Variants in GLT8D2 observed in about 807,000 individuals in gnomAD.
The protein encoded by GLT8D2 is glycosyltransferase 8 domain containing 2, also known as glycosyltransferase 8 domain-containing protein 2.
GLT8D2 carries 45 observed loss-of-function variants against 44.5 expected under a neutral mutation model. The ratio of observed to expected loss-of-function variants is 1.01; its 90% CI spans 0.80 to 1.30. The LOEUF (loss-of-function observed/expected upper bound fraction) is 1.30, where lower values mean the gene tolerates loss of function less well. Ranked by LOEUF, GLT8D2 falls within the 50% of genes most tolerant of loss-of-function variation. The probability of loss-of-function intolerance (pLI) is 0.00; values close to 1 mark genes in which losing one functional copy is unlikely to be tolerated. For synonymous variants in GLT8D2, 156 were observed against 157.2 expected, an observed-to-expected ratio of 0.99 and a Z score of 0.06; for missense variants, 400 against 430.4, an observed-to-expected ratio of 0.93 and a Z score of 0.62.
intron 1 of GLT8D2, among the ~76,000 whole-genome samples, chr12:104,027,586 G>C (rs1566205368): frequency 6.6e-6 from 1 of 152,212 alleles, no homozygotes; most frequent in Non-Finnish European, 1.5e-5. Flanking sequence ...GTGTGAATAT[G>C]GGGAGCAGTT....
chr12:104,042,727 C>T (rs924428654), intron 1 of GLT8D2, among the ~76,000 whole-genome samples: 1 of 152,064 alleles, frequency 6.6e-6, no homozygotes, highest in Non-Finnish European at 1.5e-5. Flanking sequence ...TTGTCTTGGG[C>T]CACACATAAA....
chr12:104,003,368 T>C (rs1272163228), intron 4 of GLT8D2, 62 bp from the exon 5 acceptor site: 3 of 1,415,864 alleles, frequency 2.1e-6, no homozygotes, highest in South Asian at 1.2e-5. Flanking sequence ...GCCAGTTTAA[T>C]GCATCTTCCA....
intron 1 of GLT8D2, among the ~76,000 whole-genome samples, chr12:104,062,639 A>C (rs1407574955): frequency 6.6e-6 from 1 of 152,058 alleles, no homozygotes; most frequent in Non-Finnish European, 1.5e-5. Flanking sequence ...TCTCTTATTT[A>C]TCTCTCTTTA....
At position 103,993,442 on chromosome 12, in the gene GLT8D2, A is replaced by C. The variant is rs1593526513; in HGVS notation, c.830T>G (p.Phe277Cys). The C allele has an allele frequency of 6.2e-7, 1 of 1,613,960 alleles. No homozygotes were observed. The highest frequency in any genetic ancestry group is 1.3e-5 in the African/African-American group (1 of 74,926). Residue 277 changes from phenylalanine to cysteine, a missense_variant, in exon 10 of 11, where the codon TTT becomes TGT. By Grantham distance (205) the Phe-to-Cys change is radical. Transcript: ENST00000360814. ...GTTAATTGTGGAATATTTCCCATGA[A>C]ACACAATCAGCATTGGGGAGGTGGC... ...GVATSPMLIV[F>C]HGKYSTINPL...
chr12:104,050,680 T>C (rs1247768314), upstream of GLT8D2, among the ~76,000 whole-genome samples: 2 of 152,196 alleles, frequency 1.3e-5, no homozygotes, highest in East Asian at 1.9e-4. Context: ...CAGCACTTTG[T>C]CTGGGATCAC....
chr12:104,017,464 A>G (rs1877038843), intron 3 of GLT8D2, among the ~76,000 whole-genome samples: 1 of 152,134 alleles, frequency 6.6e-6, no homozygotes, highest in Non-Finnish European at 1.5e-5. Flanking sequence ...CTGGGATTAC[A>G]GGCCCCCACC....
chr12:103,996,618 C>A, intron 8 of GLT8D2, 117 bp downstream of exon 8: 1 of 712,310 alleles, frequency 1.4e-6, no homozygotes, highest in Non-Finnish European at 2.4e-6. Context: ...CCCTGCAGTC[C>A]AGACTGGCCC....
Position 103,997,450 on chromosome 12 carries a change from C to G in GLT8D2, c.487+1G>C. ...GTGTTCTTGGCAGTTAGCGAGAGTA[C>G]CTTGTACAATTACATCATCGTCCAA... On this transcript the variant is annotated splice_donor_variant, in intron 7 of 10. Transcript: ENST00000360814. LOFTEE classifies it high-confidence loss of function. 6.2e-7 allele frequency: 1 copy of G among 1,604,140 alleles called. No individual in the cohort carries two copies. Among genetic ancestry groups the G allele is most frequent in the Admixed American group, 1.7e-5 (1 of 60,010 alleles).
intron 1 of GLT8D2, among the ~76,000 whole-genome samples, chr12:104,062,293 G>T (rs959284780): frequency 1.3e-5 from 2 of 151,952 alleles, no homozygotes; most frequent in Admixed American, 6.6e-5. Context: ...GGCTGGTCTC[G>T]AACTCCTGAC....
chr12:104,054,735 T>A (rs1920411), upstream of GLT8D2, among the ~76,000 whole-genome samples: 1 of 151,894 alleles, frequency 6.6e-6, no homozygotes, highest in African/African-American at 2.4e-5. Context: ...AGTGTTTTCC[T>A]GGCAAAGAGC....
At chr12:103,991,714 T>C (rs886343246) in intron 10 of GLT8D2, among the ~76,000 whole-genome samples, 1 of 152,032 alleles carries the variant, frequency 6.6e-6, no homozygotes, top group Non-Finnish European at 1.5e-5. Flanking sequence ...TGGCACTCTT[T>C]TGTGCATATA....
In GLT8D2 at chr12:104,015,080, C is replaced by T. The variant is rs1014069248; in HGVS notation, c.45G>A (p.Leu15=). The T allele has an allele frequency of 2.5e-6, 4 of 1,613,776 alleles. No individual in the cohort carries two copies. In the South Asian group the frequency reaches 3.3e-5, roughly 13 times the overall value. Residue 15 remains leucine, a synonymous_variant, in exon 4 of 11, where the codon CTG becomes CTA. Transcript: ENST00000360814. ...RKINQVLLFL[L]IVTLCVILYK... ...ACAGAATCACACAGAGGGTCACGAT[C>T]AGAAGGAACAGCAGCACCTGATTAA... is the stretch of plus-strand genomic sequence containing the variant.
chr12:104,016,876 AAG>A (rs753367221), intron 3 of GLT8D2, among the ~76,000 whole-genome samples: 2,471 of 147,090 alleles, frequency 0.017, 62 homozygotes, highest in African/African-American at 0.021. Flanking sequence ...GAAAGAAAGA[AAG>A]AAAGAAAAAT....
At chr12:104,018,328 G>A (rs1455558654) in intron 3 of GLT8D2, among the ~76,000 whole-genome samples, 1 of 152,062 alleles carries the variant, frequency 6.6e-6, no homozygotes, top group Non-Finnish European at 1.5e-5. Context: ...GACTTCATAT[G>A]CATCTATTTT....
rs1224592779 is a variant in GLT8D2, at chr12:103,989,577, C to T, written c.881G>A (p.Gly294Asp). Residue 294 changes from glycine to aspartate, a missense_variant and splice_region_variant, in exon 11 of 11, where the codon GGC becomes GAC. Transcript: ENST00000360814. The part of the protein sequence containing the change: ...INPLWHIRHL[G>D]WNPDARYSEH... ...CGAATATCTGGCATCTGGATTCCAGCCTTCATTGTGTATAGAGAAAAAATA... is the reference window on the plus strand; with the variant it reads ...CGAATATCTGGCATCTGGATTCCAGTCTTCATTGTGTATAGAGAAAAAATA... 5 of 1,609,614 alleles carry T rather than the reference C, an allele frequency of 3.1e-6. No homozygotes were observed. In the Admixed American group the frequency reaches 6.8e-5, roughly 22 times the overall value.
chr12:104,019,482 A>C lies in GLT8D2; in HGVS notation c.19+148T>G, dbSNP rs1877347185. On this transcript the variant is annotated intron_variant, in intron 3 of 10. Coordinates refer to ENST00000360814, the MANE Select transcript of GLT8D2 (RefSeq NM_001384711.1). ...ACAACTCTCCATGGGAATCATCTGGAAATGATGATGCCAAAAAGTGCCTGT... is the reference window on the plus strand; with the variant it reads ...ACAACTCTCCATGGGAATCATCTGGCAATGATGATGCCAAAAAGTGCCTGT... The C allele has an allele frequency of 4.5e-6, 3 of 661,012 alleles. No homozygotes were observed. The South Asian group carries it at 5.8e-5, about 13-fold the overall frequency. The allele number at this position is 661,012 out of a possible 1,614,324, so 40.9% of individuals were successfully genotyped here.
intron 1 of GLT8D2, among the ~76,000 whole-genome samples, chr12:104,063,230 A>T (rs1466503178): frequency 6.6e-6 from 1 of 152,126 alleles, no homozygotes; most frequent in Non-Finnish European, 1.5e-5. Flanking sequence ...CATATCCATC[A>T]TCTCATATAG....
intron 1 of GLT8D2, among the ~76,000 whole-genome samples, chr12:104,027,974 C>T (rs1878784085): frequency 6.6e-6 from 1 of 152,156 alleles, no homozygotes; most frequent in Non-Finnish European, 1.5e-5. Flanking sequence ...TCAGCTCTTT[C>T]CTGAGTGCTC....
intron 1 of GLT8D2, among the ~76,000 whole-genome samples, chr12:104,059,460 C>A (rs905691362): frequency 6.6e-6 from 1 of 152,140 alleles, no homozygotes; most frequent in African/African-American, 2.4e-5. Flanking sequence ...TTCCAGACAG[C>A]AGGAAAGAGT....
Sources: allele counts gnomAD v4.1 joint callset (sites outside exome capture counted in the v4.1 genomes callset), GRCh38; gene constraint gnomAD v4.1.1; transcripts MANE v1.5; gene names NCBI Gene and HGNC (gene_info 2026-07-23, HGNC 2026-07-21).